Variants in RUNX1 observed in about 807,000 individuals in gnomAD.
RUNX1 encodes the protein RUNX family transcription factor 1, also known as runt-related transcription factor 1.
A neutral mutation model predicts 42.8 loss-of-function variants in RUNX1; 19 were observed. The ratio of observed to expected loss-of-function variants is 0.44; its 90% confidence interval spans 0.31 to 0.65. The LOEUF is 0.65. RUNX1 is among the 30% of genes least tolerant of loss of function. The pLI, the probability that RUNX1 is intolerant of heterozygous loss-of-function variation, is 0.07. For synonymous variants in RUNX1, 271 were observed against 289.4 expected (o/e 0.94, Z 0.64); for missense variants, 528 against 672.0 (o/e 0.79, Z 2.37).
chr21:34,906,465 TG>T (rs1376020331), intron 2 of RUNX1, among the ~76,000 whole-genome samples: 2 of 152,346 alleles, frequency 1.3e-5, no homozygotes, highest in Non-Finnish European at 1.5e-5. Flanking sequence ...CTTCAGACAT[TG>T]TGGCAAGGGC....
intron 2 of RUNX1, among the ~76,000 whole-genome samples, chr21:34,910,151 G>T (rs184681186): frequency 6.6e-6 from 1 of 152,352 alleles, no homozygotes; most frequent in East Asian, 1.9e-4. Context: ...GTTCAGTGCT[G>T]TCTTCCCAGT....
intron 2 of RUNX1, among the ~76,000 whole-genome samples, chr21:34,926,638 TGGG>T (rs1481606147): frequency 2.0e-5 from 3 of 151,782 alleles, no homozygotes; most frequent in Non-Finnish European, 4.4e-5. Flanking sequence ...TAAAGCTCTT[TGGG>T]GTTTCTTATA....
chr21:34,909,603 A>G (rs2058255515), intron 2 of RUNX1, among the ~76,000 whole-genome samples: 1 of 151,358 alleles, frequency 6.6e-6, no homozygotes, highest in Non-Finnish European at 1.5e-5. Context: ...AAAAAAAAAA[A>G]AAAAAGATGG....
chr21:34,822,724 GCTGA>G (rs1164930353), intron 7 of RUNX1, among the ~76,000 whole-genome samples: 2 of 152,206 alleles, frequency 1.3e-5, no homozygotes, highest in East Asian at 3.8e-4. Flanking sequence ...TTGAGCTTGT[GCTGA>G]CTTTTACAGA....
chr21:35,000,538 C>T (rs2059034246), intron 2 of RUNX1, among the ~76,000 whole-genome samples: 1 of 152,258 alleles, frequency 6.6e-6, no homozygotes, highest in East Asian at 1.9e-4. Flanking sequence ...CCGCACCCAG[C>T]CTCATATAAT....
chr21:34,932,515 G>A (rs1028111357), intron 2 of RUNX1, among the ~76,000 whole-genome samples: 1 of 152,188 alleles, frequency 6.6e-6, no homozygotes, highest in African/African-American at 2.4e-5. Flanking sequence ...TTTTCTTTTA[G>A]AAAACCATGC....
At chr21:34,890,726 C>T (rs184792450) in intron 3 of RUNX1, among the ~76,000 whole-genome samples, 96 of 141,256 alleles carry the variant, frequency 6.8e-4, no homozygotes, top group African/African-American at 2.2e-3. Flanking sequence ...GTTGTAAATC[C>T]CCCCCTCCCC....
chr21:34,805,144 A>C (rs1271228448), intron 7 of RUNX1, among the ~76,000 whole-genome samples: 9 of 152,190 alleles, frequency 5.9e-5, no homozygotes, highest in Non-Finnish European at 1.2e-4. Flanking sequence ...GAACATGACA[A>C]AGCAAAGAAC....
intron 2 of RUNX1, among the ~76,000 whole-genome samples, chr21:34,982,472 T>A (rs2058854249): frequency 6.6e-6 from 1 of 151,844 alleles, no homozygotes. Context: ...TTGGGAAAGT[T>A]ACCATCCACT....
chr21:35,010,359 G>A (rs145056650), intron 2 of RUNX1, among the ~76,000 whole-genome samples: 53 of 152,022 alleles, frequency 3.5e-4, no homozygotes, highest in African/African-American at 1.2e-3. Context: ...AAAAAAATCT[G>A]GTCTTCTGCC....
intron 2 of RUNX1, among the ~76,000 whole-genome samples, chr21:34,923,687 G>GAACACATTTCCCTGCTTGAAAGCCT (rs1555905178): frequency 8.1e-5 from 12 of 147,436 alleles, no homozygotes; most frequent in African/African-American, 2.1e-4. Context: ...CAGCAATTCT[G>GAACACATTTCCCTGCTTGAAAGCCT]TCAACCATCA....
chr21:34,899,166 G>A (rs564413229), intron 2 of RUNX1, among the ~76,000 whole-genome samples: 2 of 152,094 alleles, frequency 1.3e-5, no homozygotes, highest in Admixed American at 6.5e-5. Flanking sequence ...TGCCCACCTC[G>A]GCCTCATAAA....
At chr21:34,934,527 G>A (rs569579642) in intron 2 of RUNX1, among the ~76,000 whole-genome samples, 2 of 152,154 alleles carry the variant, frequency 1.3e-5, no homozygotes, top group Admixed American at 6.6e-5. Context: ...GGTCCAGCTC[G>A]CTGTGTCTTG....
At chr21:34,921,635 AT>A (rs71196917) in intron 2 of RUNX1, among the ~76,000 whole-genome samples, 116,406 of 150,896 alleles carry the variant, frequency 0.77, 47,317 homozygotes, top group South Asian at 0.92. Flanking sequence ...TGACATAATC[AT>A]TTTTTTTTTC....
chr21:34,862,101 T>G (rs1489185070), intron 5 of RUNX1, among the ~76,000 whole-genome samples: 1 of 150,050 alleles, frequency 6.7e-6, no homozygotes, highest in Non-Finnish European at 1.5e-5. Context: ...GGTCTAGGGG[T>G]GCATGTGGGT....
intron 2 of RUNX1, among the ~76,000 whole-genome samples, chr21:35,028,523 C>G (rs1487846806): frequency 3.3e-5 from 5 of 152,174 alleles, no homozygotes; most frequent in Non-Finnish European, 7.3e-5. Flanking sequence ...CCATCTTCCT[C>G]TCCGAACTCT....
chr21:35,049,011 C>T (rs1372189811), intron 1 of RUNX1, 53 bp from the exon 2 acceptor site: 2 of 866,346 alleles, frequency 2.3e-6, no homozygotes, highest in Non-Finnish European at 3.9e-6. Context: ...CCCTCTAGCC[C>T]TACATCTCTC....
At chr21:35,029,487 T>A (rs555833715) in intron 2 of RUNX1, among the ~76,000 whole-genome samples, 9 of 152,104 alleles carry the variant, frequency 5.9e-5, no homozygotes, top group African/African-American at 1.9e-4. Context: ...GTGAGTGGGG[T>A]AGTTATGGAG....
At chr21:34,821,624 A>G (rs200377916) in intron 7 of RUNX1, 5 of 1,557,568 alleles carry the variant, frequency 3.2e-6, no homozygotes, top group East Asian at 4.8e-5. Context: ...AGATAGCTCT[A>G]TCCTGGCTGG....
Sources: allele counts gnomAD v4.1 joint callset (sites outside exome capture counted in the v4.1 genomes callset), GRCh38; gene constraint gnomAD v4.1.1; transcripts MANE v1.5; gene names NCBI Gene and HGNC (gene_info 2026-07-23, HGNC 2026-07-21).